Variants in ZEB1 observed in about 807,000 individuals in gnomAD.
ZEB1 encodes zinc finger E-box binding homeobox 1.
In ZEB1, 21 loss-of-function variants were observed where a neutral mutation model predicts 84.9. The observed-to-expected ratio is 0.25, with a 90% confidence interval of 0.18 to 0.36. ZEB1 has a LOEUF of 0.36. Ranked by LOEUF, ZEB1 falls within the 10% of genes least tolerant of loss-of-function variation. The pLI is 1.00. For synonymous variants in ZEB1, 420 were observed against 471.1 expected (o/e 0.89, Z 1.41); for missense variants, 1,104 against 1,330.2 (o/e 0.83, Z 2.65).
intron 2 of ZEB1, among the ~76,000 whole-genome samples, chr10:31,487,353 TC>T (rs1412249969): frequency 6.6e-6 from 1 of 151,458 alleles, no homozygotes; most frequent in Non-Finnish European, 1.5e-5. Context: ...ACTGACTTCT[TC>T]CTTAAAGTGT....
intron 1 of ZEB1, among the ~76,000 whole-genome samples, chr10:31,350,454 T>G (rs890326549): frequency 3.9e-5 from 6 of 152,264 alleles, no homozygotes; most frequent in African/African-American, 1.4e-4. Flanking sequence ...CATTACTGAT[T>G]GTAGGAGAAA....
intron 2 of ZEB1, among the ~76,000 whole-genome samples, chr10:31,472,392 C>T (rs1034151797): frequency 6.6e-6 from 1 of 152,130 alleles, no homozygotes; most frequent in Non-Finnish European, 1.5e-5. Context: ...ACCGATCCCA[C>T]AGAAATACAA....
At chr10:31,442,529 C>G (rs2136601196) in intron 1 of ZEB1, among the ~76,000 whole-genome samples, 1 of 151,566 alleles carries the variant, frequency 6.6e-6, no homozygotes, top group South Asian at 2.1e-4. Context: ...GCACGTTGTG[C>G]ACATGTACCC....
chr10:31,482,389 A>G (rs1316566361), intron 2 of ZEB1, among the ~76,000 whole-genome samples: 2 of 151,918 alleles, frequency 1.3e-5, no homozygotes, highest in East Asian at 1.9e-4. Flanking sequence ...AGACAAACAG[A>G]TTGGATTATC....
At chr10:31,409,549 G>C (rs2053832320) in intron 1 of ZEB1, among the ~76,000 whole-genome samples, 1 of 152,082 alleles carries the variant, frequency 6.6e-6, no homozygotes, top group South Asian at 2.1e-4. Flanking sequence ...TCTGTGAAGA[G>C]AGTCAATGGT....
intron 1 of ZEB1, among the ~76,000 whole-genome samples, chr10:31,384,272 G>T (rs1184220133): frequency 6.6e-6 from 1 of 152,126 alleles, no homozygotes; most frequent in Non-Finnish European, 1.5e-5. Context: ...CACTGCGCAT[G>T]ACCTACACCA....
intron 1 of ZEB1, among the ~76,000 whole-genome samples, chr10:31,423,033 G>GGT (rs1034742623): frequency 3.3e-5 from 5 of 151,696 alleles, no homozygotes; most frequent in East Asian, 1.9e-4. Context: ...AGCATTTCAT[G>GGT]GTGTGTGTGT....
chr10:31,466,542 TA>T (rs2062443051), intron 2 of ZEB1, among the ~76,000 whole-genome samples: 1 of 151,936 alleles, frequency 6.6e-6, no homozygotes, highest in South Asian at 2.1e-4. Context: ...AAAGGGGAAG[TA>T]AAAAATATCT....
At chr10:31,346,602 G>A (rs1379492795) in intron 1 of ZEB1, among the ~76,000 whole-genome samples, 1 of 151,610 alleles carries the variant, frequency 6.6e-6, no homozygotes, top group East Asian at 1.9e-4. Flanking sequence ...GCCATCTAAT[G>A]TCCTTTTCTA....
chr10:31,411,343 C>G (rs993345576), intron 1 of ZEB1, among the ~76,000 whole-genome samples: 6 of 152,290 alleles, frequency 3.9e-5, no homozygotes, highest in African/African-American at 1.2e-4. Flanking sequence ...ATACCAGAAT[C>G]TCTGGGACAC....
At chr10:31,441,466 C>A (rs1484925843) in intron 1 of ZEB1, among the ~76,000 whole-genome samples, 2 of 152,100 alleles carry the variant, frequency 1.3e-5, no homozygotes, top group African/African-American at 4.8e-5. Flanking sequence ...AGAAGAAAAC[C>A]TAGGCAATAC....
At chr10:31,473,470 C>A (rs928203204) in intron 2 of ZEB1, among the ~76,000 whole-genome samples, 4 of 151,448 alleles carry the variant, frequency 2.6e-5, no homozygotes, top group Non-Finnish European at 4.4e-5. Flanking sequence ...TTGCTTCAAA[C>A]AGAATAAAAT....
intron 1 of ZEB1, among the ~76,000 whole-genome samples, chr10:31,411,613 T>G (rs1590983607): frequency 8.6e-6 from 1 of 116,700 alleles, no homozygotes; most frequent in African/African-American, 3.5e-5. Flanking sequence ...CAGTCCGGCC[T>G]GGGCGACAGA....
chr10:31,495,953 T>C, intron 3 of ZEB1, 115 bp downstream of exon 3: 1 of 1,133,502 alleles, frequency 8.8e-7, no homozygotes, highest in Non-Finnish European at 1.3e-6. Context: ...TTATCTTACC[T>C]TCCTTAAATG....
chr10:31,376,082 T>C (rs2046571409), intron 1 of ZEB1, among the ~76,000 whole-genome samples: 1 of 151,808 alleles, frequency 6.6e-6, no homozygotes, highest in Non-Finnish European at 1.5e-5. Flanking sequence ...CATTATTAAA[T>C]AAATTTAACA....
At chr10:31,374,370 A>G (rs1273320874) in intron 1 of ZEB1, among the ~76,000 whole-genome samples, 2 of 151,968 alleles carry the variant, frequency 1.3e-5, no homozygotes, top group East Asian at 3.9e-4. Context: ...TCCAATGTTT[A>G]CAGTGAACTA....
intron 1 of ZEB1, among the ~76,000 whole-genome samples, chr10:31,398,713 C>G (rs1429383791): frequency 3.3e-5 from 5 of 152,144 alleles, no homozygotes; most frequent in Non-Finnish European, 5.9e-5. Context: ...TCATCTCAGT[C>G]TTCCTCTTAT....
At chr10:31,471,120 T>G (rs1233112223) in intron 2 of ZEB1, among the ~76,000 whole-genome samples, 1 of 129,090 alleles carries the variant, frequency 7.7e-6, no homozygotes, top group East Asian at 2.2e-4. Flanking sequence ...TGCCAAAATG[T>G]AAAGACCATC....
chr10:31,406,452 G>T (rs1408401762), intron 1 of ZEB1, among the ~76,000 whole-genome samples: 14 of 146,086 alleles, frequency 9.6e-5, no homozygotes, highest in Non-Finnish European at 3.0e-5. Context: ...GTGATGATGA[G>T]TTTTTTTTTT....
Sources: gnomAD v4.1 joint callset for allele counts (sites outside exome capture counted in the v4.1 genomes callset) on GRCh38, gnomAD v4.1.1 for gene constraint, MANE v1.5 for transcripts, NCBI Gene and HGNC (gene_info 2026-07-23, HGNC 2026-07-21) for gene names.